Variants in RUBCN observed in about 807,000 individuals in gnomAD.
The protein encoded by RUBCN is rubicon autophagy regulator.
RUBCN carries 74 observed loss-of-function variants against 113.2 expected under a neutral mutation model. That is an observed-to-expected ratio of 0.65 (90% CI 0.54 to 0.79). RUBCN has a LOEUF of 0.79. Ranked by LOEUF, RUBCN falls within the 30% of genes least tolerant of loss-of-function variation. The pLI is 0.00. For missense variants in RUBCN, 1,109 were observed against 1,251.7 expected (o/e 0.89, Z 1.72); for synonymous variants, 480 against 490.0 (o/e 0.98, Z 0.27).
At chr3:197,704,801 ATGC>A in intron 3 of RUBCN, 100 bp from the exon 4 acceptor site, 2 of 1,298,968 alleles carry the variant, frequency 1.5e-6, no homozygotes, top group South Asian at 2.5e-5. Context: ...GGTAAGGGAA[ATGC>A]TTTGAAAGGC....
intron 1 of RUBCN, among the ~76,000 whole-genome samples, chr3:197,723,334 T>C (rs1420535176): frequency 2.0e-4 from 31 of 152,006 alleles, no homozygotes; most frequent in Non-Finnish European, 3.8e-4. Context: ...TACAGGCACC[T>C]GCCACCACAC....
chr3:197,700,263 A>C (rs1723495463), intron 7 of RUBCN, among the ~76,000 whole-genome samples: 1 of 152,214 alleles, frequency 6.6e-6, no homozygotes, highest in Non-Finnish European at 1.5e-5. Flanking sequence ...CGTCACAGGA[A>C]ATGACAGAAC....
At chr3:197,743,381 C>A (rs903340057) in intron 1 of RUBCN, among the ~76,000 whole-genome samples, 4 of 152,174 alleles carry the variant, frequency 2.6e-5, no homozygotes, top group African/African-American at 7.2e-5. Context: ...ATGTTCTCTG[C>A]GGTATCCCCA....
At position 197,696,995 on chromosome 3, in the gene RUBCN, C is replaced by T. The variant is rs763434396; in HGVS notation, c.1316G>A (p.Ser439Asn). 7 of 1,611,116 alleles carry T rather than the reference C, an allele frequency of 4.3e-6. No homozygotes were observed. The highest frequency in any genetic ancestry group is 5.9e-6 in the Non-Finnish European group (7 of 1,177,248). ...AGAGCTGGGTGTGCTGACTTCACTG[C>T]TTTGACCAGAGTAGGGCAAAGGGCC... ...LRGPLPYSGQ[S>N]SEVSTPSSLY... The change falls in exon 8 of 20, where the codon AGC becomes AAC. Residue 439 changes from serine to asparagine, a missense_variant. Transcript: ENST00000296343.
exon 1 of RUBCN, chr3:197,749,349 A>G (rs1464839324): frequency 1.7e-6 from 2 of 1,169,708 alleles, no homozygotes; most frequent in African/African-American, 1.6e-5. Flanking sequence ...GAGAGAAGGT[A>G]CAGACACGGG....
At chr3:197,711,978 GTC>G (rs1312987062) in intron 2 of RUBCN, among the ~76,000 whole-genome samples, 1 of 151,838 alleles carries the variant, frequency 6.6e-6, no homozygotes, top group Non-Finnish European at 1.5e-5. Context: ...TTCTTCTAAA[GTC>G]TTTTAGGTAT....
Position 197,674,360 on chromosome 3 carries a change from T to C in RUBCN, c.*658A>G. 1 of 249,924 alleles carries C rather than the reference T, an allele frequency of 4.0e-6. No homozygotes were observed. The highest frequency in any genetic ancestry group is 9.0e-6 in the Non-Finnish European group (1 of 110,846). The allele number at this position is 249,924 out of a possible 1,614,324, so 15.5% of individuals were successfully genotyped here. ...GAAAGTCAGCTTGTGGCATCCTCTA[T>C]GCTTCAAATATTTCAAACAGGAACT... On this transcript the variant is annotated 3_prime_UTR_variant, in exon 20 of 20. Coordinates refer to ENST00000296343, the MANE Select transcript of RUBCN (RefSeq NM_014687.4).
chr3:197,736,850 G>C lies in RUBCN; in HGVS notation c.-131C>G. 1 of 1,386,058 alleles carries C rather than the reference G, an allele frequency of 7.2e-7. No individual in the cohort carries two copies. The highest frequency in any genetic ancestry group is 9.3e-7 in the Non-Finnish European group (1 of 1,077,704). 85.9% of individuals were successfully genotyped at this position (1,386,058 alleles called of 1,614,324 possible). ...GGGCTCCGGGTGATGCGCTACACCC[G>C]GGCGGCGACAGCGGGAGGGACCGCC... On this transcript the variant is annotated 5_prime_UTR_variant, in exon 1 of 20. Transcript: ENST00000296343.
chr3:197,695,543 G>T (rs1026445681), intron 9 of RUBCN, among the ~76,000 whole-genome samples: 10 of 152,212 alleles, frequency 6.6e-5, no homozygotes, highest in Non-Finnish European at 1.5e-4. Context: ...TGAGGCTGTA[G>T]TGAGCCATGA....
rs1345902700 is a variant in RUBCN at position 197,669,759 on chromosome 3, G to GT, written c.*5258dup. Among the ~76,000 whole-genome samples the GT allele has an allele frequency of 6.6e-6, 1 of 152,176 alleles. No homozygotes were observed. The highest frequency in any genetic ancestry group is 1.5e-5 in the Non-Finnish European group (1 of 68,024). On this transcript the variant is annotated 3_prime_UTR_variant, in exon 20 of 20. Transcript: ENST00000296343. ...TACGTATTTTGTTTAGAATTCTTCT[G>GT]TGAGAATTTATTTATTTGGTCATTT...
At chr3:197,704,723 G>A in intron 3 of RUBCN, 22 bp from the exon 4 acceptor site, 1 of 1,612,672 alleles carries the variant, frequency 6.2e-7, no homozygotes. Flanking sequence ...AGGGGCATGA[G>A]TCAAAACACA....
At chr3:197,701,945 A>G in intron 5 of RUBCN, 81 bp from the exon 6 acceptor site, 1 of 1,326,448 alleles carries the variant, frequency 7.5e-7, no homozygotes, top group Non-Finnish European at 1.1e-6. Flanking sequence ...AGTACTGCAG[A>G]AATGCCATAG....
At chr3:197,687,641 G>A (rs1407884390) in intron 11 of RUBCN, among the ~76,000 whole-genome samples, 2 of 152,230 alleles carry the variant, frequency 1.3e-5, no homozygotes, top group Non-Finnish European at 2.9e-5. Context: ...CATGAGTGAC[G>A]CCCTCATAAA....
chr3:197,740,468 T>TA (rs1017784255), upstream of RUBCN, among the ~76,000 whole-genome samples: 5 of 150,080 alleles, frequency 3.3e-5, no homozygotes, highest in South Asian at 2.1e-4. Flanking sequence ...GACTCCATCT[T>TA]AAAAAAAAAG....
chr3:197,745,006 C>T (rs1169830244), intron 1 of RUBCN, among the ~76,000 whole-genome samples: 5 of 151,876 alleles, frequency 3.3e-5, no homozygotes, highest in Admixed American at 6.6e-5. Flanking sequence ...GGGATTTAGG[C>T]TGGGCACGGT....
Position 197,701,834 on chromosome 3 carries a change from C to T in RUBCN, c.601G>A (p.Val201Met). ...GCTGTCAGGCTCTGGCTCTTTGTCA[C>T]CAGGAGCGGGCTCTCGTGCTTTCTG... is the stretch of plus-strand genomic sequence containing the variant. Reference protein sequence around the residue: ...FARKHESPLLVTKSQSLTALP... With the variant: ...FARKHESPLLMTKSQSLTALP... The change falls in exon 6 of 20, where the codon GTG becomes ATG. Residue 201 changes from valine (V) to methionine (M), a missense_variant. Val to Met is a conservative substitution (Grantham distance 21, BLOSUM62 1). Transcript: ENST00000296343. 6.2e-7 allele frequency: 1 copy of T among 1,614,150 alleles called. No homozygotes were observed. The highest frequency in any genetic ancestry group is 1.3e-5 in the African/African-American group (1 of 75,030).
rs1238522869 is a variant in RUBCN, at chr3:197,695,855, C to T, written c.1473+11G>A. 1.2e-5 allele frequency: 20 copies of T among 1,613,488 alleles called. No individual in the cohort carries two copies. The highest frequency in any genetic ancestry group is 1.6e-5 in the Non-Finnish European group (19 of 1,179,408). ...ACTCATGAGCTCTTCATGAGGCCCT[C>T]GATTTCCCACCTTTTCCAGGTCGGC... On this transcript the variant is annotated intron_variant, in intron 9 of 19. Transcript: ENST00000296343.
Position 197,674,972 on chromosome 3 carries a change from G to C in RUBCN, c.*46C>G. 4.4e-6 allele frequency: 7 copies of C among 1,590,710 alleles called. No homozygotes were observed. The highest frequency in any genetic ancestry group is 6.0e-6 in the Non-Finnish European group (7 of 1,169,266). On this transcript the variant is annotated 3_prime_UTR_variant, in exon 20 of 20. Transcript: ENST00000296343. The stretch of plus-strand genomic sequence containing the variant: ...GTCCTTCAAAGAGTGGCTCAGTTCT[G>C]CAACAGGTGTGACCCGGCCCGGAGG...
intron 2 of RUBCN, among the ~76,000 whole-genome samples, chr3:197,711,324 T>C (rs752331518): frequency 6.6e-6 from 1 of 152,080 alleles, no homozygotes; most frequent in Non-Finnish European, 1.5e-5. Context: ...ACTGGCTAAA[T>C]AAGTGATGGT....
Sources: allele counts gnomAD v4.1 joint callset (sites outside exome capture counted in the v4.1 genomes callset), GRCh38; gene constraint gnomAD v4.1.1; transcripts MANE v1.5; gene names NCBI Gene and HGNC (gene_info 2026-07-23, HGNC 2026-07-21).